Variants in ESRRB observed in about 807,000 individuals in gnomAD.
ESRRB encodes the protein steroid hormone receptor ERR2.
A neutral mutation model predicts 46.0 loss-of-function variants in ESRRB; 16 were observed. That is an observed-to-expected ratio of 0.35 (90% CI 0.24 to 0.53). The LOEUF is 0.53. Among genes scored for constraint, ESRRB ranks in the 20% least tolerant of loss-of-function variants. The pLI, the probability that ESRRB is intolerant of heterozygous loss-of-function variation, is 0.93. For missense variants in ESRRB, 488 were observed against 607.4 expected (o/e 0.80, Z 2.07); for synonymous variants, 246 against 259.6 (o/e 0.95, Z 0.50).
chr14:76,328,378 C>T (rs1189556368), intron 1 of ESRRB, among the ~76,000 whole-genome samples: 1 of 152,212 alleles, frequency 6.6e-6, no homozygotes, highest in Non-Finnish European at 1.5e-5. Context: ...TGGGAGGTCC[C>T]TTAGTCCCCC....
At chr14:76,324,453 T>C (rs896603859) in intron 1 of ESRRB, among the ~76,000 whole-genome samples, 1 of 152,026 alleles carries the variant, frequency 6.6e-6, no homozygotes, top group African/African-American at 2.4e-5. Flanking sequence ...ACCAACAGCA[T>C]CTAGGACAGA....
chr14:76,407,401 C>T (rs1428652447), intron 1 of ESRRB: 2 of 260,476 alleles, frequency 7.7e-6, no homozygotes, highest in Non-Finnish European at 6.0e-6. Flanking sequence ...TCGGGGGTTG[C>T]CCCTCTCCAT....
At chr14:76,484,340 C>T (rs896947504) in intron 5 of ESRRB, among the ~76,000 whole-genome samples, 10 of 152,134 alleles carry the variant, frequency 6.6e-5, no homozygotes, top group African/African-American at 1.4e-4. Flanking sequence ...TGGGCTGGTA[C>T]GCCCTTACTA....
chr14:76,324,296 G>A (rs1411202156), intron 1 of ESRRB, among the ~76,000 whole-genome samples: 1 of 152,200 alleles, frequency 6.6e-6, no homozygotes, highest in Non-Finnish European at 1.5e-5. Context: ...TTGGCTGAGA[G>A]CTGCCCCGGC....
chr14:76,352,111 A>T (rs776882225), intron 1 of ESRRB, among the ~76,000 whole-genome samples: 5 of 151,844 alleles, frequency 3.3e-5, no homozygotes, highest in Non-Finnish European at 7.4e-5. Flanking sequence ...GGATAAGTGA[A>T]TATGGTGGTT....
At chr14:76,387,471 G>A (rs1468448947) in intron 1 of ESRRB, among the ~76,000 whole-genome samples, 1 of 152,162 alleles carries the variant, frequency 6.6e-6, no homozygotes, top group Non-Finnish European at 1.5e-5. Context: ...GTGAGCTCAG[G>A]ACCCTGGCTT....
chr14:76,326,873 C>T (rs1883936116), intron 1 of ESRRB, among the ~76,000 whole-genome samples: 1 of 152,238 alleles, frequency 6.6e-6, no homozygotes, highest in South Asian at 2.1e-4. Context: ...TGTTTAGATC[C>T]CTGGGCATAG....
intron 2 of ESRRB, among the ~76,000 whole-genome samples, chr14:76,449,768 T>TG (rs1458216232): frequency 3.3e-5 from 5 of 149,676 alleles, no homozygotes; most frequent in African/African-American, 1.2e-4. Context: ...TTCCTTTTTT[T>TG]TTTTTTTTTT....
At chr14:76,373,653 C>T (rs574140819), upstream of ESRRB, among the ~76,000 whole-genome samples, 6 of 152,328 alleles carry the variant, frequency 3.9e-5, no homozygotes, top group African/African-American at 1.4e-4. Context: ...CTCATCTCTC[C>T]TCTTGCAGAG....
At chr14:76,443,776 T>C (rs1888017192) in intron 2 of ESRRB, among the ~76,000 whole-genome samples, 2 of 152,198 alleles carry the variant, frequency 1.3e-5, no homozygotes, top group South Asian at 4.1e-4. Flanking sequence ...TCTGCGAATG[T>C]TCTCAGCAAG....
intron 1 of ESRRB, among the ~76,000 whole-genome samples, chr14:76,379,946 T>C (rs146279512): frequency 1.4e-3 from 209 of 147,718 alleles, no homozygotes; most frequent in African/African-American, 5.2e-3. Context: ...AATCAATAAA[T>C]ATTCCATTTA....
intron 3 of ESRRB, among the ~76,000 whole-genome samples, chr14:76,476,669 C>T (rs1473160573): frequency 6.6e-6 from 1 of 151,868 alleles, no homozygotes; most frequent in Non-Finnish European, 1.5e-5. Flanking sequence ...GTTGGTTTTT[C>T]CACCTTACAA....
chr14:76,433,568 A>G (rs984885861), intron 1 of ESRRB, among the ~76,000 whole-genome samples: 1 of 152,236 alleles, frequency 6.6e-6, no homozygotes, highest in Non-Finnish European at 1.5e-5. Flanking sequence ...CCAGGAGGGC[A>G]TGCTTTGTTT....
chr14:76,446,369 GT>G (rs3832965), intron 2 of ESRRB, among the ~76,000 whole-genome samples: 7,902 of 145,834 alleles, frequency 0.054, 625 homozygotes, highest in African/African-American at 0.18. Context: ...TCTGTTGTTC[GT>G]TTTTTTTTTT....
intron 1 of ESRRB, among the ~76,000 whole-genome samples, chr14:76,408,625 C>G (rs1409153973): frequency 1.4e-5 from 2 of 143,624 alleles, no homozygotes; most frequent in African/African-American, 5.3e-5. Flanking sequence ...AAAAGATAAG[C>G]ACTACATAGA....
At chr14:76,332,805 T>A (rs1239098280) in intron 1 of ESRRB, among the ~76,000 whole-genome samples, 1 of 9,484 alleles carries the variant, frequency 1.1e-4, no homozygotes, top group African/African-American at 2.3e-4. Context: ...TATAATATAT[T>A]TATATATTAT....
Position 76,500,400 on chromosome 14 carries a change from A to G in ESRRB, c.*1942A>G, listed in dbSNP as rs1410836145. 3 of 585,446 alleles carry G rather than the reference A, an allele frequency of 5.1e-6. No homozygotes were observed. The East Asian group carries it at 8.4e-5, about 16-fold the overall frequency. The allele number at this position is 585,446 out of a possible 1,614,324, so 36.3% of individuals were successfully genotyped here. On this transcript the variant is annotated 3_prime_UTR_variant, in exon 7 of 7. Transcript: ENST00000644823. The stretch of plus-strand genomic sequence containing the variant: ...CCCTCCATGCAGCCCATCTTCCCTC[A>G]TTTGGGTGGAGGCACACATTTGGGG...
At chr14:76,481,918 C>A (rs561775888) in intron 3 of ESRRB, 98 bp from the exon 4 acceptor site, 1 of 1,115,938 alleles carries the variant, frequency 9.0e-7, no homozygotes, top group African/African-American at 1.8e-5. Flanking sequence ...CGAGCAAGGC[C>A]CTGAAGGACC....
At chr14:76,456,818 G>A (rs1338917339) in intron 2 of ESRRB, among the ~76,000 whole-genome samples, 1 of 152,192 alleles carries the variant, frequency 6.6e-6, no homozygotes, top group East Asian at 1.9e-4. Flanking sequence ...TCATGGGTGA[G>A]GGGGAGGATC....
Sources: allele counts gnomAD v4.1 joint callset (sites outside exome capture counted in the v4.1 genomes callset), GRCh38; gene constraint gnomAD v4.1.1; transcripts MANE v1.5; gene names NCBI Gene and HGNC (gene_info 2026-07-23, HGNC 2026-07-21).